The following TENM2 variants were observed in gnomAD, a reference collection of about 807,000 sequenced individuals.
TENM2 encodes the protein teneurin-2.
In TENM2, 52 loss-of-function variants were observed where a neutral mutation model predicts 245.2. The ratio of observed to expected loss-of-function variants is 0.21; its 90% CI spans 0.17 to 0.27. The LOEUF (loss-of-function observed/expected upper bound fraction) is 0.27. Among genes scored for constraint, TENM2 ranks in the 10% least tolerant of loss-of-function variants. The pLI is 1.00. For missense variants in TENM2, 3,046 were observed against 3,666.8 expected (o/e 0.83, Z 4.37); for synonymous variants, 1,363 against 1,438.9 (o/e 0.95, Z 1.19).
At chr5:167,871,123 T>G (rs1423122548) in intron 2 of TENM2, among the ~76,000 whole-genome samples, 3 of 152,154 alleles carry the variant, frequency 2.0e-5, no homozygotes, top group African/African-American at 7.2e-5. Flanking sequence ...AATGGTTCTG[T>G]AATTAAGACA....
the TENM2 span, among the ~76,000 whole-genome samples, chr5:167,045,370 A>G: frequency 3.3e-5 from 5 of 152,312 alleles, no homozygotes; most frequent in East Asian, 9.7e-4. Context: ...AAAACACTCC[A>G]TTTAGTACCT....
the TENM2 span, among the ~76,000 whole-genome samples, chr5:167,228,206 T>A: frequency 1.3e-5 from 2 of 151,846 alleles, no homozygotes; most frequent in South Asian, 4.2e-4. Flanking sequence ...ATTTTTATAT[T>A]TTTAGTAGAG....
At chr5:167,144,157 GAA>G in the TENM2 span, among the ~76,000 whole-genome samples, 4 of 148,264 alleles carry the variant, frequency 2.7e-5, no homozygotes, top group African/African-American at 9.9e-5. Flanking sequence ...TTTTAATTTT[GAA>G]AAAAAAAAAT....
chr5:167,608,925 C>A (rs1308405478), intron 2 of TENM2, among the ~76,000 whole-genome samples: 1 of 151,964 alleles, frequency 6.6e-6, no homozygotes, highest in Non-Finnish European at 1.5e-5. Flanking sequence ...TTCCTTGTGG[C>A]CAAACAAGGC....
intron 2 of TENM2, among the ~76,000 whole-genome samples, chr5:167,413,063 A>T (rs1307011344): frequency 2.6e-5 from 4 of 152,056 alleles, no homozygotes; most frequent in Non-Finnish European, 5.9e-5. Context: ...TTATCTAGAA[A>T]CATTTTTGTT....
intron 1 of TENM2, among the ~76,000 whole-genome samples, chr5:167,312,926 G>T (rs1223546293): frequency 5.5e-5 from 7 of 127,924 alleles, no homozygotes; most frequent in Admixed American, 1.6e-4. Context: ...TTTTTTAAAT[G>T]GAGCCTCCTT....
At chr5:167,853,493 C>T (rs893668154) in intron 2 of TENM2, among the ~76,000 whole-genome samples, 7 of 151,836 alleles carry the variant, frequency 4.6e-5, no homozygotes, top group African/African-American at 1.7e-4. Context: ...AATCGAGGCT[C>T]AGTTTGAGAA....
chr5:168,007,160 T>C (rs551840160), intron 5 of TENM2, among the ~76,000 whole-genome samples: 1 of 151,594 alleles, frequency 6.6e-6, no homozygotes, highest in African/African-American at 2.4e-5. Context: ...GTAGTCTCAC[T>C]CTGTCACCCA....
intron 2 of TENM2, among the ~76,000 whole-genome samples, chr5:167,460,191 A>G (rs1766209314): frequency 6.6e-6 from 1 of 152,038 alleles, no homozygotes; most frequent in African/African-American, 2.4e-5. Flanking sequence ...CTAGCCTGAA[A>G]TTTTTCCCAA....
At chr5:167,601,249 C>T (rs534136759) in intron 2 of TENM2, among the ~76,000 whole-genome samples, 10 of 152,316 alleles carry the variant, frequency 6.6e-5, no homozygotes, top group Admixed American at 3.3e-4. Context: ...CGCACAGTGA[C>T]GAAAACATTC....
the TENM2 span, among the ~76,000 whole-genome samples, chr5:166,993,091 A>G: frequency 6.6e-6 from 1 of 151,906 alleles, no homozygotes; most frequent in Non-Finnish European, 1.5e-5. Flanking sequence ...TTGGAGAGGA[A>G]CCAGGTGCTT....
intron 22 of TENM2, among the ~76,000 whole-genome samples, chr5:168,217,496 C>A (rs994773108): frequency 3.3e-5 from 5 of 152,214 alleles, no homozygotes; most frequent in African/African-American, 1.2e-4. Flanking sequence ...CCTTTTCAAC[C>A]CTTGGCGAGC....
At chr5:167,777,803 C>G (rs1357472095) in intron 2 of TENM2, among the ~76,000 whole-genome samples, 1 of 152,074 alleles carries the variant, frequency 6.6e-6, no homozygotes, top group East Asian at 1.9e-4. Context: ...TGAGCCAAAG[C>G]TTAGCTCTTC....
chr5:167,643,894 T>C (rs560622327), intron 2 of TENM2, among the ~76,000 whole-genome samples: 1 of 152,212 alleles, frequency 6.6e-6, no homozygotes, highest in Admixed American at 6.5e-5. Context: ...AGATGAGTCA[T>C]AGGAATCTGA....
At chr5:167,125,035 A>G in the TENM2 span, among the ~76,000 whole-genome samples, 54 of 152,314 alleles carry the variant, frequency 3.5e-4, no homozygotes, top group Non-Finnish European at 6.5e-4. Flanking sequence ...TGCAGTATCA[A>G]TGATAGCATC....
At chr5:167,115,883 C>A in the TENM2 span, among the ~76,000 whole-genome samples, 1 of 152,130 alleles carries the variant, frequency 6.6e-6, no homozygotes, top group African/African-American at 2.4e-5. Flanking sequence ...AGACCCTCTA[C>A]GTTTGAAGCC....
chr5:168,158,852 C>T (rs181817745), intron 12 of TENM2, among the ~76,000 whole-genome samples: 17,019 of 65,310 alleles, frequency 0.26, 1,794 homozygotes, highest in East Asian at 0.41. Flanking sequence ...TATATATATA[C>T]ACACACACAC....
intron 2 of TENM2, among the ~76,000 whole-genome samples, chr5:167,634,551 T>A (rs1456492296): frequency 6.6e-6 from 1 of 151,734 alleles, no homozygotes; most frequent in Non-Finnish European, 1.5e-5. Context: ...ACTACTTAGA[T>A]GCAGAAACCA....
intron 4 of TENM2, chr5:167,965,307 G>A (rs1781308689): frequency 6.6e-6 from 1 of 152,080 alleles, no homozygotes; most frequent in African/African-American, 2.4e-5. Context: ...TGCAGTTATT[G>A]GCCAGACTTA....
Sources: allele counts gnomAD v4.1 joint callset (sites outside exome capture counted in the v4.1 genomes callset), GRCh38; gene constraint gnomAD v4.1.1; transcripts MANE v1.5; gene names NCBI Gene and HGNC (gene_info 2026-07-23, HGNC 2026-07-21).